HBS1L: variants seen among roughly 807,000 people sequenced by gnomAD.
HBS1L encodes HBS1-like protein.
Under a neutral mutation model 88.9 loss-of-function variants are expected in HBS1L, and 55 were observed. The ratio of observed to expected loss-of-function variants is 0.62; its 90% CI spans 0.50 to 0.77. The LOEUF is 0.77. Among genes scored for constraint, HBS1L ranks in the 30% least tolerant of loss-of-function variants. The pLI is 0.00. For synonymous variants in HBS1L, 267 were observed against 288.5 expected (o/e 0.93, Z 0.76); for missense variants, 741 against 829.3 (o/e 0.89, Z 1.31).
At chr6:135,038,041 G>C (rs764547097) in intron 4 of HBS1L, 2 of 1,463,854 alleles carry the variant, frequency 1.4e-6, no homozygotes, top group South Asian at 2.9e-5. Flanking sequence ...CCTTACAAGA[G>C]CCATTAATTT....
chr6:135,015,901 T>C (rs9385713), intron 4 of HBS1L, among the ~76,000 whole-genome samples: 62,791 of 136,878 alleles, frequency 0.46, 14,333 homozygotes, highest in South Asian at 0.57. Flanking sequence ...TTTTTTTTTT[T>C]CCAGACGGAG....
At chr6:135,006,511 A>G (rs149198626) in intron 4 of HBS1L, among the ~76,000 whole-genome samples, 1 of 152,312 alleles carries the variant, frequency 6.6e-6, no homozygotes, top group East Asian at 1.9e-4. Flanking sequence ...AAAGACTGAC[A>G]GAAGGCTGGC....
chr6:135,030,056 A>C (rs543853990), intron 4 of HBS1L, among the ~76,000 whole-genome samples: 1 of 152,334 alleles, frequency 6.6e-6, no homozygotes, highest in South Asian at 2.1e-4. Context: ...AGCCTTGCCT[A>C]CGTTTATGTG....
rs58274929 is a variant in HBS1L at position 134,961,090 on chromosome 6, C to CTTTTTTTTTTTTTTTTTTTTTTT, written c.*4188_*4189insAAAAAAAAAAAAAAAAAAAAAAA. The CTTTTTTTTTTTTTTTTTTTTTTT allele has an allele frequency of 2.8e-5, 3 of 106,222 alleles. 1 individual carries two copies. Among genetic ancestry groups the CTTTTTTTTTTTTTTTTTTTTTTT allele is most frequent in the Non-Finnish European group, 3.7e-5 (2 of 54,260 alleles). 6.6% of individuals were successfully genotyped at this position (106,222 alleles called of 1,614,324 possible). ...TTGCTGTACAGACTTAGTTTCTTTGCTTTTTTTTTTTTTTTTTTTGCATTG... is the reference window on the plus strand; with the variant it reads ...TTGCTGTACAGACTTAGTTTCTTTGCTTTTTTTTTTTTTTTTTTTTTTTTTTTTTTTTTTTTTTTTTTGCATTG... On this transcript the variant is annotated 3_prime_UTR_variant, in exon 18 of 18. Transcript: ENST00000367837.
At position 135,031,594 on chromosome 6, in the gene HBS1L, A is replaced by G. The variant is rs114526161; in HGVS notation, c.430+7979T>C. Among the ~76,000 whole-genome samples, 1,294 of 152,104 alleles carry G rather than the reference A, an allele frequency of 8.5e-3. 10 individuals carry two copies. The highest frequency in any genetic ancestry group is 0.03 in the African/African-American group (1,231 of 41,556). ...TAACAAAGACGGGAAACAGAAGAGA[A>G]GGTGGCACCTTGGATGAGGAAGACA... On this transcript the variant is annotated intron_variant, in intron 4 of 17. Transcript: ENST00000367837.
At chr6:134,995,851 T>C (rs1317274386) in intron 7 of HBS1L, among the ~76,000 whole-genome samples, 1 of 152,050 alleles carries the variant, frequency 6.6e-6, no homozygotes, top group Admixed American at 6.6e-5. Flanking sequence ...GAGAAACCAT[T>C]ATGATACAAA....
chr6:135,045,455 A>G (rs1185552821), intron 2 of HBS1L, among the ~76,000 whole-genome samples: 1 of 152,220 alleles, frequency 6.6e-6, no homozygotes, highest in Non-Finnish European at 1.5e-5. Flanking sequence ...CACATGAGGC[A>G]TTCATTAAAA....
At position 134,999,567 on chromosome 6, in the gene HBS1L, C is replaced by T. The variant is rs565370635; in HGVS notation, c.540-1911G>A. ...GGTTCCAGCAATTCTCCTGCCTCAG[C>T]CTACTGAGTAGCTGGGATTACAGGC... is the stretch of plus-strand genomic sequence containing the variant. On this transcript the variant is annotated intron_variant, in intron 5 of 17. Coordinates refer to ENST00000367837, the MANE Select transcript of HBS1L (RefSeq NM_006620.4). Among the ~76,000 whole-genome samples, 7 of 151,290 alleles carry T rather than the reference C, an allele frequency of 4.6e-5. No homozygotes were observed. The South Asian group carries it at 1.5e-3, about 32-fold the overall frequency.
At chr6:135,027,783 T>TTG (rs1187669498) in intron 4 of HBS1L, among the ~76,000 whole-genome samples, 1 of 151,984 alleles carries the variant, frequency 6.6e-6, no homozygotes, top group Non-Finnish European at 1.5e-5. Flanking sequence ...CTCATTTTTT[T>TTG]TTTTGAGACA....
intron 1 of HBS1L, among the ~76,000 whole-genome samples, chr6:135,052,326 G>A (rs766130356): frequency 8.1e-4 from 124 of 152,150 alleles, no homozygotes; most frequent in Non-Finnish European, 1.5e-3. Flanking sequence ...GCCAGGCATC[G>A]TGGCTCACAC....
Position 135,050,562 on chromosome 6 carries a change from A to C in HBS1L, c.109+20T>G. On this transcript the variant is annotated intron_variant, in intron 2 of 17. Transcript: ENST00000367837. Reference sequence around the variant, plus strand: ...TTTAAACACCAAATCTAAGGAATCAAATTATTTTTAAAAATTCACCTGTTG... The same window carrying C: ...TTTAAACACCAAATCTAAGGAATCACATTATTTTTAAAAATTCACCTGTTG... 1 of 1,526,028 alleles carries C rather than the reference A, an allele frequency of 6.6e-7. No individual in the cohort carries two copies. Among genetic ancestry groups the C allele is most frequent in the South Asian group, 1.2e-5 (1 of 84,968 alleles). 94.5% of individuals were successfully genotyped at this position (1,526,028 alleles called of 1,614,324 possible).
At chr6:135,024,733 A>G (rs1776178456) in intron 4 of HBS1L, among the ~76,000 whole-genome samples, 1 of 151,996 alleles carries the variant, frequency 6.6e-6, no homozygotes, top group Non-Finnish European at 1.5e-5. Context: ...ATGAACTAAA[A>G]TGTTGTCTAA....
chr6:135,000,359 C>T (rs1775416348), intron 5 of HBS1L, among the ~76,000 whole-genome samples: 1 of 151,662 alleles, frequency 6.6e-6, no homozygotes, highest in East Asian at 1.9e-4. Context: ...CAATGCCCAC[C>T]CTGTACACTT....
chr6:134,970,642 G>T (rs1346047403), intron 15 of HBS1L, among the ~76,000 whole-genome samples: 1 of 152,152 alleles, frequency 6.6e-6, no homozygotes, highest in Non-Finnish European at 1.5e-5. Context: ...ATTTAATGTG[G>T]CCATGATGCT....
rs543362165 is a variant in HBS1L, at chr6:135,034,146, TA to T, written c.430+5426del. On this transcript the variant is annotated intron_variant, in intron 4 of 17. Coordinates refer to ENST00000367837, the MANE Select transcript of HBS1L (RefSeq NM_006620.4). ...ACAAGAAATCAAGAAGTGTTTGGTT[TA>T]AAAAAAAAAAAGACATAATGCCATC... Among the ~76,000 whole-genome samples, 489 of 143,966 alleles carry T rather than the reference TA, an allele frequency of 3.4e-3. 2 individuals carry two copies. The highest frequency in any genetic ancestry group is 0.011 in the Middle Eastern group (3 of 276). 94.4% of individuals were successfully genotyped at this position (143,966 alleles called of 152,430 possible).
chr6:134,990,201 C>A (rs895198459), intron 8 of HBS1L, among the ~76,000 whole-genome samples: 3 of 152,180 alleles, frequency 2.0e-5, no homozygotes, highest in Admixed American at 6.5e-5. Flanking sequence ...TGGGAAATTT[C>A]TCTATTAATA....
In HBS1L at chr6:134,997,585, G is replaced by A; in HGVS notation, c.611C>T (p.Ala204Val). 1 of 1,613,992 alleles carries A rather than the reference G, an allele frequency of 6.2e-7. No individual in the cohort carries two copies. Among genetic ancestry groups the A allele is most frequent in the South Asian group, 1.1e-5 (1 of 91,070 alleles). ...QKGPPIEDAIASSDVLETASK... is the reference protein window; with the variant it reads ...QKGPPIEDAIVSSDVLETASK... ...AGCAGTCTCAAGAACATCGGAAGAAGCAATGGCATCTTCAATGGGCGGTCC... is the reference window on the plus strand; with the variant it reads ...AGCAGTCTCAAGAACATCGGAAGAAACAATGGCATCTTCAATGGGCGGTCC... The change falls in exon 6 of 18, where the codon GCT becomes GTT. Residue 204 changes from alanine to valine, a missense_variant. Around this residue, in one of 3 missense-constraint regions of HBS1L, gnomAD observed 556 missense variants for 598.4 expected, o/e 0.93. Coordinates refer to ENST00000367837, the MANE Select transcript of HBS1L (RefSeq NM_006620.4).
chr6:135,022,988 G>C (rs1776115288), intron 4 of HBS1L, among the ~76,000 whole-genome samples: 1 of 150,266 alleles, frequency 6.7e-6, no homozygotes, highest in Admixed American at 6.6e-5. Flanking sequence ...CCCATTTACT[G>C]ATGAGATACA....
rs147523549 is a variant in HBS1L, at chr6:135,049,234, C to T, written c.109+1348G>A. ...CACCCGCTTTCTGGCTCACAGACAG[C>T]ACCTACTTGCTGTGTCCTAACATGA... On this transcript the variant is annotated intron_variant, in intron 2 of 17. Transcript: ENST00000367837. 4.8e-3 allele frequency among the ~76,000 whole-genome samples: 725 copies of T among 152,270 alleles called. 4 individuals carry two copies. The highest frequency in any genetic ancestry group is 0.016 in the African/African-American group (659 of 41,548).
Sources: allele counts gnomAD v4.1 joint callset (sites outside exome capture counted in the v4.1 genomes callset), GRCh38; gene constraint gnomAD v4.1.1; regional missense constraint gnomAD v4.1.1; transcripts MANE v1.5; gene names NCBI Gene and HGNC (gene_info 2026-07-23, HGNC 2026-07-21).